INSC: variants seen among roughly 807,000 people sequenced by gnomAD.
INSC encodes protein inscuteable homolog.
Under a neutral mutation model 58.6 loss-of-function variants are expected in INSC, and 67 were observed. The ratio of observed to expected loss-of-function variants is 1.14; its 90% CI spans 0.94 to 1.40. The LOEUF (loss-of-function observed/expected upper bound fraction) is 1.40. Ranked by LOEUF, INSC falls within the 40% of genes most tolerant of loss-of-function variation. INSC has a pLI of 0.00. For synonymous variants in INSC, 262 were observed against 276.1 expected, an observed-to-expected ratio of 0.95 and a Z score of 0.51; for missense variants, 714 against 692.0, an observed-to-expected ratio of 1.03 and a Z score of -0.36.
intron 1 of INSC, among the ~76,000 whole-genome samples, chr11:15,135,244 T>C (rs141435150): frequency 1.7e-4 from 26 of 152,350 alleles, no homozygotes; most frequent in Non-Finnish European, 2.9e-4. Flanking sequence ...ATTGGGCTCC[T>C]ACTCTGTGTT....
At chr11:15,157,066 C>G (rs1460144020) in intron 2 of INSC, among the ~76,000 whole-genome samples, 1 of 152,292 alleles carries the variant, frequency 6.6e-6, no homozygotes, top group East Asian at 1.9e-4. Flanking sequence ...TCCAGATGTT[C>G]AGGACAGCCT....
chr11:15,226,104 T>C (rs1851628104), intron 9 of INSC, among the ~76,000 whole-genome samples: 1 of 152,090 alleles, frequency 6.6e-6, no homozygotes, highest in Admixed American at 6.5e-5. Flanking sequence ...GAAGCCTCCC[T>C]ACGAGATCTC....
chr11:15,227,590 C>G (rs1450978705), intron 9 of INSC, among the ~76,000 whole-genome samples: 2 of 152,134 alleles, frequency 1.3e-5, no homozygotes, highest in African/African-American at 2.4e-5. Flanking sequence ...CTTATTACTT[C>G]TAAGAGTTGG....
chr11:15,211,475 C>T (rs2133907910), intron 7 of INSC, among the ~76,000 whole-genome samples: 1 of 152,232 alleles, frequency 6.6e-6, no homozygotes, highest in East Asian at 1.9e-4. Context: ...TATTATCAGC[C>T]TGTGGTAGGT....
At chr11:15,112,489 A>G (rs745330280), upstream of INSC, 5 of 1,611,220 alleles carry the variant, frequency 3.1e-6, 1 homozygote, top group South Asian at 5.5e-5. Context: ...CCCCCTGGCA[A>G]TGGAGAGGCG....
At chr11:15,219,253 G>T (rs1016415672) in intron 7 of INSC, among the ~76,000 whole-genome samples, 1 of 152,050 alleles carries the variant, frequency 6.6e-6, no homozygotes, top group Admixed American at 6.6e-5. Context: ...GGAGAAACAG[G>T]GCCTGTTGGT....
chr11:15,235,686 T>C lies in INSC; in HGVS notation c.1237+18T>C. The C allele has an allele frequency of 6.3e-7, 1 of 1,598,766 alleles. No homozygotes were observed. The highest frequency in any genetic ancestry group is 2.2e-5 in the East Asian group (1 of 44,810). The stretch of plus-strand genomic sequence containing the variant: ...GGAAAATGGTATGTCTTTGCAGCAT[T>C]GTACATGTTATGTGGATTATCTGGA... On this transcript the variant is annotated intron_variant, in intron 10 of 12. Coordinates refer to ENST00000379556, the MANE Select transcript of INSC (RefSeq NM_001042536.3).
At chr11:15,132,995 T>C (rs1483979899) in intron 1 of INSC, among the ~76,000 whole-genome samples, 3 of 152,338 alleles carry the variant, frequency 2.0e-5, no homozygotes, top group East Asian at 3.9e-4. Context: ...GTATTTATCT[T>C]GCTGGGGATT....
chr11:15,250,395 G>A (rs540202792), downstream of INSC, among the ~76,000 whole-genome samples: 2 of 152,286 alleles, frequency 1.3e-5, no homozygotes, highest in African/African-American at 2.4e-5. Flanking sequence ...AAACTATAAA[G>A]TTCTGTGCAA....
chr11:15,154,692 C>T (rs1292322088), intron 2 of INSC, among the ~76,000 whole-genome samples: 2 of 152,180 alleles, frequency 1.3e-5, no homozygotes, highest in African/African-American at 2.4e-5. Context: ...TTCTCTCTCT[C>T]TGAGCCTTAG....
intron 9 of INSC, among the ~76,000 whole-genome samples, chr11:15,231,414 A>G (rs1851920785): frequency 6.6e-6 from 1 of 152,218 alleles, no homozygotes; most frequent in Admixed American, 6.5e-5. Context: ...AAAATCACGC[A>G]CAAAAAAATC....
In INSC at chr11:15,238,902, C is replaced by T. The variant is rs1239071696; in HGVS notation, c.1238-17C>T. ...CATGCTGGGGTAGGTACCAACTGTT[C>T]CTTGCTTCCTGCCTAGGGGTCCAGC... On this transcript the variant is annotated splice_polypyrimidine_tract_variant and intron_variant, in intron 10 of 12. Transcript: ENST00000379556. 1 of 1,610,914 alleles carries T rather than the reference C, an allele frequency of 6.2e-7. No homozygotes were observed. Among genetic ancestry groups the T allele is most frequent in the Admixed American group, 1.7e-5 (1 of 59,850 alleles).
chr11:15,248,107 C>T (rs556519601), downstream of INSC, among the ~76,000 whole-genome samples: 1 of 152,308 alleles, frequency 6.6e-6, no homozygotes, highest in South Asian at 2.1e-4. Flanking sequence ...TTGAAACTGA[C>T]ACGCATTCTG....
intron 1 of INSC, among the ~76,000 whole-genome samples, chr11:15,115,405 AG>A (rs1255639647): frequency 2.0e-5 from 3 of 152,184 alleles, no homozygotes; most frequent in African/African-American, 7.2e-5. Context: ...GTGTGAACCC[AG>A]GAAGGCAGAA....
intron 1 of INSC, among the ~76,000 whole-genome samples, chr11:15,145,124 C>T (rs1182443152): frequency 6.6e-6 from 1 of 152,198 alleles, no homozygotes; most frequent in Non-Finnish European, 1.5e-5. Flanking sequence ...CTTAACTCTT[C>T]CTTCCAACAG....
At chr11:15,189,696 G>A (rs1850095314) in intron 5 of INSC, among the ~76,000 whole-genome samples, 1 of 152,164 alleles carries the variant, frequency 6.6e-6, no homozygotes, top group African/African-American at 2.4e-5. Flanking sequence ...CACATGAGTG[G>A]CTGCTCAGAG....
intron 7 of INSC, among the ~76,000 whole-genome samples, chr11:15,202,669 GGGA>G (rs771644321): frequency 2.6e-5 from 4 of 152,210 alleles, no homozygotes; most frequent in Non-Finnish European, 4.4e-5. Context: ...CAGGGAAAAT[GGGA>G]GGAGAAGATA....
Position 15,245,968 on chromosome 11 carries a change from T to C in INSC, c.1527T>C (p.Phe509=), listed in dbSNP as rs1835291369. The change falls in exon 13 of 13, where the codon TTT becomes TTC. Residue 509 remains phenylalanine, a synonymous_variant. Transcript: ENST00000379556. ...CTGAAGGCCTCCAGGACTCTGACTT[T>C]CAGCAGTTGGTCCAGCCTCGGCTGG... ...VCPEGLQDSD[F]QQLVQPRLVD... is the part of the protein sequence containing the mutation. 6.2e-7 allele frequency: 1 copy of C among 1,614,210 alleles called. No homozygotes were observed. Among genetic ancestry groups the C allele is most frequent in the Admixed American group, 1.7e-5 (1 of 60,028 alleles).
At chr11:15,210,695 G>A (rs150063495) in intron 7 of INSC, among the ~76,000 whole-genome samples, 1 of 152,236 alleles carries the variant, frequency 6.6e-6, no homozygotes, top group East Asian at 1.9e-4. Context: ...CGTGCTCACA[G>A]GGAAGCAAAG....
Sources: gnomAD v4.1 joint callset for allele counts (sites outside exome capture counted in the v4.1 genomes callset) on GRCh38, gnomAD v4.1.1 for gene constraint, MANE v1.5 for transcripts, NCBI Gene and HGNC (gene_info 2026-07-23, HGNC 2026-07-21) for gene names.